The following ATAD2B variants were observed in gnomAD, a reference collection of about 807,000 sequenced individuals.
ATAD2B encodes the protein ATPase family AAA domain-containing protein 2B.
In ATAD2B, 40 loss-of-function variants were observed where a neutral mutation model predicts 167.6. That is an observed-to-expected ratio of 0.24 (90% CI 0.19 to 0.31). The LOEUF (loss-of-function observed/expected upper bound fraction) is 0.31. Among genes scored for constraint, ATAD2B ranks in the 10% least tolerant of loss-of-function variants. ATAD2B has a pLI of 1.00. For synonymous variants in ATAD2B, 579 were observed against 596.5 expected (o/e 0.97, Z 0.43); for missense variants, 1,242 against 1,757.2 (o/e 0.71, Z 5.24).
At chr2:23,704,379 C>T in the ATAD2B span, among the ~76,000 whole-genome samples, 3 of 152,200 alleles carry the variant, frequency 2.0e-5, no homozygotes, top group Non-Finnish European at 4.4e-5. Context: ...GAGTGTGGCT[C>T]GGTCCCCAGG....
intron 8 of ATAD2B, among the ~76,000 whole-genome samples, chr2:23,874,876 G>A (rs1206318180): frequency 1.3e-5 from 2 of 151,062 alleles, no homozygotes; most frequent in Non-Finnish European, 2.9e-5. Context: ...CTAACACGGT[G>A]AAATCCCATC....
At chr2:23,762,110 TG>T in intron 24 of ATAD2B, 98 bp downstream of exon 24, 1 of 1,249,750 alleles carries the variant, frequency 8.0e-7, no homozygotes, top group East Asian at 2.6e-5. Flanking sequence ...AAAAGAGCTA[TG>T]GGAAAAGAGC....
chr2:23,793,078 T>C lies in ATAD2B; in HGVS notation c.2641-4431A>G, dbSNP rs970217015. ...TTAATATTAAAACAGTTCCCTTGTATCTTATGATCATTAATCTGAGTTTTC... is the reference window on the plus strand; with the variant it reads ...TTAATATTAAAACAGTTCCCTTGTACCTTATGATCATTAATCTGAGTTTTC... On this transcript the variant is annotated intron_variant, in intron 19 of 27. Coordinates refer to ENST00000238789, the MANE Select transcript of ATAD2B (RefSeq NM_017552.4). Among the ~76,000 whole-genome samples the C allele has an allele frequency of 3.3e-5, 5 of 152,080 alleles. No individual in the cohort carries two copies. The East Asian group carries it at 9.6e-4, about 29-fold the overall frequency.
chr2:23,913,640 GAAA>G (rs1425105055), intron 1 of ATAD2B, among the ~76,000 whole-genome samples: 1 of 94,806 alleles, frequency 1.1e-5, no homozygotes. Context: ...ACTCTCTTGA[GAAA>G]AAAAAAAAAA....
chr2:23,812,509 A>G (rs953341240), intron 17 of ATAD2B, among the ~76,000 whole-genome samples: 6 of 152,174 alleles, frequency 3.9e-5, no homozygotes, highest in Non-Finnish European at 7.4e-5. Context: ...GGGGAGTTTC[A>G]ACTTACTCAC....
At chr2:23,768,590 A>G (rs2149339754) in intron 22 of ATAD2B, among the ~76,000 whole-genome samples, 1 of 152,096 alleles carries the variant, frequency 6.6e-6, no homozygotes, top group South Asian at 2.1e-4. Context: ...AAAAAAGACA[A>G]TGAGCATATC....
intron 1 of ATAD2B, among the ~76,000 whole-genome samples, chr2:23,911,870 G>A (rs946736562): frequency 6.6e-6 from 1 of 151,696 alleles, no homozygotes. Context: ...AGCTACTCAG[G>A]AGGCTGGGGC....
chr2:23,764,930 T>C (rs950307370), intron 23 of ATAD2B, among the ~76,000 whole-genome samples: 1 of 152,222 alleles, frequency 6.6e-6, no homozygotes, highest in African/African-American at 2.4e-5. Flanking sequence ...AATGCTGGGT[T>C]CCCTACTGGG....
At chr2:23,922,473 T>C (rs554750424) in intron 1 of ATAD2B, among the ~76,000 whole-genome samples, 32 of 148,950 alleles carry the variant, frequency 2.1e-4, no homozygotes, top group African/African-American at 7.9e-4. Context: ...TTGTGGGTAA[T>C]GATAAGAGAG....
intron 19 of ATAD2B, among the ~76,000 whole-genome samples, chr2:23,790,887 G>A (rs1681581078): frequency 6.6e-6 from 1 of 152,148 alleles, no homozygotes. Flanking sequence ...TTACAGATGT[G>A]TAGCCATCAC....
intron 16 of ATAD2B, among the ~76,000 whole-genome samples, chr2:23,822,010 A>C (rs1572907374): frequency 6.6e-6 from 1 of 152,254 alleles, no homozygotes; most frequent in South Asian, 2.1e-4. Context: ...GCAAAGTACA[A>C]TCTGAGGCTT....
chr2:23,740,815 C>T, the ATAD2B span, among the ~76,000 whole-genome samples: 1 of 152,244 alleles, frequency 6.6e-6, no homozygotes, highest in East Asian at 1.9e-4. Flanking sequence ...ATCGTCTCAG[C>T]CCCAAATCTC....
chr2:23,748,211 T>C (rs1040499176), downstream of ATAD2B, among the ~76,000 whole-genome samples: 5 of 152,130 alleles, frequency 3.3e-5, no homozygotes, highest in African/African-American at 1.2e-4. Context: ...AAATAGGTAT[T>C]CTGAAGCCAA....
At chr2:23,741,080 A>C in the ATAD2B span, among the ~76,000 whole-genome samples, 3 of 152,156 alleles carry the variant, frequency 2.0e-5, no homozygotes, top group Admixed American at 6.5e-5. Flanking sequence ...AGAACATTCC[A>C]TGCTCATGGG....
chr2:23,788,687 A>C, intron 19 of ATAD2B, 40 bp from the exon 20 acceptor site: 2 of 1,463,918 alleles, frequency 1.4e-6, no homozygotes, highest in Non-Finnish European at 1.9e-6. Context: ...AAATATATAA[A>C]GAATTAAAAG....
the ATAD2B span, among the ~76,000 whole-genome samples, chr2:23,714,476 G>A: frequency 1.3e-5 from 2 of 148,566 alleles, no homozygotes; most frequent in East Asian, 2.0e-4. Flanking sequence ...TCCTGACCTC[G>A]TGATCCACCC....
intron 17 of ATAD2B, among the ~76,000 whole-genome samples, chr2:23,813,172 A>T (rs1685879506): frequency 6.6e-6 from 1 of 151,922 alleles, no homozygotes; most frequent in Non-Finnish European, 1.5e-5. Context: ...AAAGAAACAG[A>T]CAAACATAAA....
chr2:23,681,174 G>A, the ATAD2B span, among the ~76,000 whole-genome samples: 353 of 152,346 alleles, frequency 2.3e-3, 1 homozygote, highest in African/African-American at 7.7e-3. The surrounding 1 kb of genome is among the most constrained non-coding windows in gnomAD (Gnocchi z 4.2). Context: ...GCAGCAGCCC[G>A]CACACACCAG....
At chr2:23,745,506 C>A (rs1018349499), downstream of ATAD2B, among the ~76,000 whole-genome samples, 9 of 151,824 alleles carry the variant, frequency 5.9e-5, no homozygotes, top group Non-Finnish European at 1.2e-4. Flanking sequence ...AAGGAATTTA[C>A]CATTCACCTT....
Sources: gnomAD v4.1 joint callset for allele counts (sites outside exome capture counted in the v4.1 genomes callset) on GRCh38, gnomAD v4.1.1 for gene constraint, Gnocchi (gnomAD v3.1) non-coding constraint, MANE v1.5 for transcripts, NCBI Gene and HGNC (gene_info 2026-07-23, HGNC 2026-07-21) for gene names.